The following FLT1 variants were observed in gnomAD, a reference collection of about 807,000 sequenced individuals.
The protein encoded by FLT1 is fms related receptor tyrosine kinase 1.
A neutral mutation model predicts 156.3 loss-of-function variants in FLT1; 49 were observed. That is an observed-to-expected ratio of 0.31 (90% confidence interval 0.25 to 0.40). The LOEUF is 0.40. Ranked by LOEUF, FLT1 falls within the 10% of genes least tolerant of loss-of-function variation. The probability of loss-of-function intolerance (pLI) is 1.00; values close to 1 mark genes in which losing one functional copy is unlikely to be tolerated. For missense variants in FLT1, 1,322 were observed against 1,637.2 expected (o/e 0.81, Z 3.32); for synonymous variants, 594 against 583.8 (o/e 1.02, Z -0.25).
At chr13:28,309,931 C>T (rs1187091565) in intron 27 of FLT1, among the ~76,000 whole-genome samples, 3 of 141,212 alleles carry the variant, frequency 2.1e-5, no homozygotes, top group Admixed American at 7.3e-5. Flanking sequence ...GCTCTGTCAC[C>T]CAGGCTGGAG....
chr13:28,412,373 T>TTTCTTTCTTTCTTTCTTTCTTTCCTTCC (rs1876315000), intron 10 of FLT1, among the ~76,000 whole-genome samples: 1 of 126,272 alleles, frequency 7.9e-6, no homozygotes, highest in African/African-American at 3.1e-5. Flanking sequence ...TCTTTCTTTC[T>TTTCTTTCTTTCTTTCTTTCTTTCCTTCC]TTCTTTCTTT....
intron 1 of FLT1, among the ~76,000 whole-genome samples, chr13:28,493,074 A>G (rs1242884432): frequency 6.6e-6 from 1 of 152,250 alleles, no homozygotes; most frequent in African/African-American, 2.4e-5. Context: ...GATGCTTCCA[A>G]TTACAAAGAA....
intron 1 of FLT1, among the ~76,000 whole-genome samples, chr13:28,479,303 T>A (rs610612): frequency 0.21 from 31,203 of 152,154 alleles, 5,424 homozygotes; most frequent in African/African-American, 0.46. Context: ...TCTATTGTCA[T>A]AATCAGTTTC....
At chr13:28,347,525 C>T (rs746896646) in intron 15 of FLT1, among the ~76,000 whole-genome samples, 2 of 150,918 alleles carry the variant, frequency 1.3e-5, no homozygotes, top group African/African-American at 2.4e-5. Flanking sequence ...CATCTCAAAA[C>T]CAAAACAAGA....
rs958968797 is a variant in FLT1 at position 28,342,016 on chromosome 13, A to G, written c.2356-2716T>C. Among the ~76,000 whole-genome samples, 11 of 151,966 alleles carry G rather than the reference A, an allele frequency of 7.2e-5. 1 individual carries two copies. Among genetic ancestry groups the G allele is most frequent in the Admixed American group, 5.9e-4 (9 of 15,248 alleles). The stretch of plus-strand genomic sequence containing the variant: ...TCCTGCTTCAGCTTCCCGAGTAGCT[A>G]GGATCATAGGCGCCTGCCACCATGC... On this transcript the variant is annotated intron_variant, in intron 16 of 29. Transcript: ENST00000282397.
At chr13:28,460,756 C>T (rs1032737902) in intron 3 of FLT1, among the ~76,000 whole-genome samples, 16 of 143,712 alleles carry the variant, frequency 1.1e-4, no homozygotes, top group African/African-American at 3.3e-4. Flanking sequence ...ACTTATTATG[C>T]TAACTTTCAC....
At chr13:28,338,270 G>A (rs1470895958) in intron 17 of FLT1, among the ~76,000 whole-genome samples, 3 of 151,614 alleles carry the variant, frequency 2.0e-5, no homozygotes, top group Non-Finnish European at 4.4e-5. Context: ...GGAACAACAG[G>A]CTCTCCACAC....
At chr13:28,332,768 G>C (rs944250076) in intron 18 of FLT1, among the ~76,000 whole-genome samples, 1 of 152,204 alleles carries the variant, frequency 6.6e-6, no homozygotes, top group Non-Finnish European at 1.5e-5. Flanking sequence ...TCACAAAGCT[G>C]TTGAGAGGAA....
Position 28,341,078 on chromosome 13 carries a change from G to A in FLT1, c.2356-1778C>T, listed in dbSNP as rs184931952. ...CAGAGCATAGGATAGCTGAAACCTCGCAAGGGACATCTTGGGCTCATGCAG... is the reference window on the plus strand; with the variant it reads ...CAGAGCATAGGATAGCTGAAACCTCACAAGGGACATCTTGGGCTCATGCAG... On this transcript the variant is annotated intron_variant, in intron 16 of 29. Transcript: ENST00000282397. Among the ~76,000 whole-genome samples the A allele has an allele frequency of 3.3e-4, 50 of 152,254 alleles. No homozygotes were observed. In the South Asian group the frequency reaches 3.3e-3, roughly 10 times the overall value.
Position 28,322,559 on chromosome 13 carries a change from G to A in FLT1, c.2954-200C>T. ...CCACTTTATCCAAGCATGGGGGCAG[G>A]GGGATGATCCATTAAGATGAAAATC... On this transcript the variant is annotated intron_variant, in intron 21 of 29. Transcript: ENST00000282397. This position sits in a 1 kb window ranked among gnomAD's most constrained non-coding sequence, Gnocchi z 4.3. The A allele has an allele frequency of 1.4e-6, 1 of 722,500 alleles. No individual in the cohort carries two copies. The allele number at this position is 722,500 out of a possible 1,614,324, so 44.8% of individuals were successfully genotyped here.
chr13:28,396,955 CT>C lies in FLT1; in HGVS notation c.1660+4del. ...CTGTCTCTGGTTATAGGATGTGTGG[CT>C]TACCTGTGATATAAAAGCTTATGTT... On this transcript the variant is annotated splice_donor_region_variant and intron_variant, in intron 12 of 29. Transcript: ENST00000282397. 1.3e-6 allele frequency: 2 copies of C among 1,528,728 alleles called. No individual in the cohort carries two copies. Among genetic ancestry groups the C allele is most frequent in the Non-Finnish European group, 9.1e-7 (1 of 1,102,012 alleles). 94.7% of individuals were successfully genotyped at this position (1,528,728 alleles called of 1,614,324 possible).
chr13:28,376,037 G>C (rs1355821181), intron 14 of FLT1, among the ~76,000 whole-genome samples: 1 of 152,182 alleles, frequency 6.6e-6, no homozygotes, highest in East Asian at 1.9e-4. Flanking sequence ...TCATCCCTGG[G>C]TATTAACAGC....
intron 6 of FLT1, 45 bp from the exon 7 acceptor site, chr13:28,431,355 T>C (rs1298303908): frequency 7.4e-7 from 1 of 1,356,622 alleles, no homozygotes; most frequent in African/African-American, 1.4e-5. Context: ...TGAGTGTTCA[T>C]GCTTAAAGTT....
chr13:28,385,065 G>A (rs562436925), intron 13 of FLT1, 34 bp from the exon 14 acceptor site: 256 of 1,611,098 alleles, frequency 1.6e-4, no homozygotes, highest in South Asian at 7.5e-4. Context: ...GTGATTACTC[G>A]TCAACTTTAT....
chr13:28,378,322 C>T (rs549586799), intron 14 of FLT1, among the ~76,000 whole-genome samples: 3 of 152,194 alleles, frequency 2.0e-5, no homozygotes, highest in Non-Finnish European at 4.4e-5. Context: ...GCTGGGATTA[C>T]AGGCATGAGC....
intron 25 of FLT1, among the ~76,000 whole-genome samples, chr13:28,316,655 T>C (rs1331752854): frequency 1.3e-5 from 2 of 151,646 alleles, no homozygotes; most frequent in Non-Finnish European, 2.9e-5. Flanking sequence ...TTTTTTTTTT[T>C]TGAGACATAA....
At chr13:28,404,269 TATC>T (rs1875648613) in intron 11 of FLT1, among the ~76,000 whole-genome samples, 1 of 152,202 alleles carries the variant, frequency 6.6e-6, no homozygotes, top group Non-Finnish European at 1.5e-5. Context: ...CTATTGGTGT[TATC>T]ATATAAGCTA....
chr13:28,341,764 T>C (rs555531767), intron 16 of FLT1, among the ~76,000 whole-genome samples: 2 of 152,358 alleles, frequency 1.3e-5, no homozygotes, highest in African/African-American at 4.8e-5. Context: ...CATTCTGTTT[T>C]TGAGATAATG....
In FLT1 at chr13:28,311,603, A is replaced by T; in HGVS notation, c.3622T>A (p.Ser1208Thr). The T allele has an allele frequency of 1.9e-6, 3 of 1,613,594 alleles. No individual in the cohort carries two copies. Among genetic ancestry groups the T allele is most frequent in the Non-Finnish European group, 2.5e-6 (3 of 1,179,824 alleles). ...ISAPKFNSGS[S>T]DDVRYVNAFK... ...AAGAAATCTTACCTGACATCATCAG[A>T]GCTTCCTGAATTAAACTTCGGAGCT... The change falls in exon 27 of 30, where the codon TCT (serine) becomes ACT (threonine). Residue 1208 changes from serine (S) to threonine (T), a missense_variant. Ser to Thr is a moderately conservative substitution (Grantham distance 58). Around this residue, in one of 3 missense-constraint regions of FLT1, gnomAD observed 329 missense variants for 366.2 expected, o/e 0.90. Transcript: ENST00000282397.
Sources: gnomAD v4.1 joint callset for allele counts (sites outside exome capture counted in the v4.1 genomes callset) on GRCh38, gnomAD v4.1.1 for gene constraint, gnomAD v4.1.1 regional missense constraint, Gnocchi (gnomAD v3.1) non-coding constraint, MANE v1.5 for transcripts, NCBI Gene and HGNC (gene_info 2026-07-23, HGNC 2026-07-21) for gene names.